The following EXOC1 variants were observed in gnomAD, a reference collection of about 807,000 sequenced individuals.
The protein encoded by EXOC1 is exocyst complex component 1.
Under a neutral mutation model 107.7 loss-of-function variants are expected in EXOC1, and 67 were observed. That is an observed-to-expected ratio of 0.62 (90% CI 0.51 to 0.76). The LOEUF is 0.76. Ranked by LOEUF, EXOC1 falls within the 30% of genes least tolerant of loss-of-function variation. The probability of loss-of-function intolerance (pLI) is 0.00; values close to 1 mark genes in which losing one functional copy is unlikely to be tolerated. For synonymous variants in EXOC1, 348 were observed against 353.5 expected (o/e 0.98, Z 0.17); for missense variants, 833 against 1,055.7 (o/e 0.79, Z 2.92).
intron 1 of EXOC1, among the ~76,000 whole-genome samples, chr4:55,855,024 G>A (rs756666382): frequency 6.6e-6 from 1 of 152,232 alleles, no homozygotes; most frequent in Admixed American, 6.5e-5. Flanking sequence ...ACCATGAAGT[G>A]TAATTAGGGT....
intron 18 of EXOC1, 60 bp from the exon 19 acceptor site, chr4:55,904,283 G>C: frequency 1.4e-6 from 2 of 1,450,298 alleles, no homozygotes; most frequent in South Asian, 3.0e-5. Context: ...CATTATTTCT[G>C]CATACTAGAT....
chr4:55,870,970 A>G (rs1722375547), intron 6 of EXOC1, 65 bp downstream of exon 6: 1 of 1,550,692 alleles, frequency 6.4e-7, no homozygotes, highest in Non-Finnish European at 8.7e-7. Flanking sequence ...CCATTTGTAA[A>G]CATTTTTTAA....
At chr4:55,862,782 C>T (rs1268000950) in intron 3 of EXOC1, among the ~76,000 whole-genome samples, 2 of 152,138 alleles carry the variant, frequency 1.3e-5, no homozygotes, top group Admixed American at 6.5e-5. Context: ...CCCCAAATAA[C>T]ACTTTAAATG....
At position 55,890,241 on chromosome 4, in the gene EXOC1, G is replaced by C; in HGVS notation, c.1394G>C (p.Gly465Ala). Residue 465 changes from glycine to alanine, a missense_variant, in exon 12 of 19, where the codon GGG becomes GCG. Around this residue, in one of 2 missense-constraint regions of EXOC1, gnomAD observed 617 missense variants for 701.3 expected, o/e 0.88. Transcript: ENST00000381295. ...TTCTTAGGTCTTCATGGAAGTTCGG[G>C]GAAATTAACTGGATCTACTTCTAGT... ...QETESLHGSS[G>A]KLTGSTSSLN... 6.2e-7 allele frequency: 1 copy of C among 1,613,726 alleles called. No individual in the cohort carries two copies. Among genetic ancestry groups the C allele is most frequent in the Non-Finnish European group, 8.5e-7 (1 of 1,179,836 alleles).
At chr4:55,869,175 G>A (rs925552459) in intron 5 of EXOC1, among the ~76,000 whole-genome samples, 2 of 151,940 alleles carry the variant, frequency 1.3e-5, no homozygotes, top group Non-Finnish European at 2.9e-5. Context: ...AGACGAGCCT[G>A]GCCAACATGG....
chr4:55,884,276 AT>A (rs1723671575), intron 10 of EXOC1, among the ~76,000 whole-genome samples: 1 of 152,186 alleles, frequency 6.6e-6, no homozygotes, highest in Admixed American at 6.6e-5. Context: ...AGTTTAACTG[AT>A]TCCCTAAAAG....
At chr4:55,878,279 C>T (rs893717551) in intron 9 of EXOC1, among the ~76,000 whole-genome samples, 2 of 152,064 alleles carry the variant, frequency 1.3e-5, no homozygotes, top group Non-Finnish European at 2.9e-5. Context: ...AAATATTAAG[C>T]CATACTGTAG....
rs564204412 is a variant in EXOC1, at chr4:55,871,723, A to G, written c.965-126A>G. The G allele has an allele frequency of 8.5e-6, 6 of 709,020 alleles. No individual in the cohort carries two copies. The Admixed American group carries it at 9.5e-5, about 11-fold the overall frequency. 43.9% of individuals were successfully genotyped at this position (709,020 alleles called of 1,614,324 possible). On this transcript the variant is annotated intron_variant, in intron 7 of 18. Transcript: ENST00000381295. ...ATTTTTCTCCTGCTTAACTTTTATC[A>G]TGTAAATGAATACACCCATAAAACT...
chr4:55,857,001 G>A (rs1242469939), intron 1 of EXOC1, among the ~76,000 whole-genome samples: 3 of 151,646 alleles, frequency 2.0e-5, no homozygotes, highest in Non-Finnish European at 4.4e-5. Flanking sequence ...TCCAGCTCCC[G>A]AAAACCACTT....
At chr4:55,876,816 T>G (rs893733365) in intron 8 of EXOC1, 1 of 984,534 alleles carries the variant, frequency 1.0e-6, no homozygotes, top group African/African-American at 1.7e-5. Context: ...GGTCCTTTTT[T>G]CTTTTTAATT....
At chr4:55,903,974 G>A (rs1167945009) in intron 18 of EXOC1, among the ~76,000 whole-genome samples, 5 of 151,984 alleles carry the variant, frequency 3.3e-5, no homozygotes, top group African/African-American at 4.8e-5. Context: ...ACATAATTGT[G>A]CATATCCACA....
chr4:55,876,505 A>G (rs1722907281), intron 8 of EXOC1: 3 of 813,992 alleles, frequency 3.7e-6, no homozygotes, highest in Non-Finnish European at 4.5e-6. Flanking sequence ...ACATTTTACC[A>G]TCAAAATTGT....
chr4:55,900,892 A>C (rs556656323), intron 17 of EXOC1, among the ~76,000 whole-genome samples: 29 of 152,302 alleles, frequency 1.9e-4, no homozygotes, highest in South Asian at 4.1e-4. Flanking sequence ...CAAAACAAAA[A>C]AAAAGAATAT....
intron 13 of EXOC1, 61 bp downstream of exon 13, chr4:55,891,483 A>C: frequency 1.8e-6 from 2 of 1,091,652 alleles, no homozygotes; most frequent in South Asian, 2.7e-5. Context: ...AGCTTAATTA[A>C]TATGTGGTCA....
chr4:55,896,687 T>C (rs774619416), intron 15 of EXOC1, 30 bp from the exon 16 acceptor site: 43 of 1,544,990 alleles, frequency 2.8e-5, no homozygotes, highest in Non-Finnish European at 3.5e-5. Flanking sequence ...GCTTGGTTAT[T>C]TATCTCCCTT....
At chr4:55,876,424 A>G (rs901070601) in intron 8 of EXOC1, 31 of 702,280 alleles carry the variant, frequency 4.4e-5, no homozygotes, top group Non-Finnish European at 4.7e-5. Context: ...CACTCCAAGC[A>G]CATGTTTTTG....
Position 55,893,647 on chromosome 4 carries a change from T to G in EXOC1, c.1820T>G (p.Phe607Cys). The G allele has an allele frequency of 6.2e-7, 1 of 1,614,112 alleles. No homozygotes were observed. The highest frequency in any genetic ancestry group is 8.5e-7 in the Non-Finnish European group (1 of 1,179,994). ...GCATTAGGAGACAAAATTGATAGCT[T>G]TAACTCTCTTTATATGTTAGTCAAA... Reference protein sequence around the residue: ...LIALGDKIDSFNSLYMLVKMS... With the variant: ...LIALGDKIDSCNSLYMLVKMS... Residue 607 changes from phenylalanine (F) to cysteine (C), a missense_variant, in exon 15 of 19, where the codon TTT becomes TGT. This residue lies in a region of EXOC1 where 216 missense variants were observed against 354.4 expected (regional missense o/e 0.61). Transcript: ENST00000381295.
At chr4:55,886,241 C>T (rs572096256) in intron 10 of EXOC1, among the ~76,000 whole-genome samples, 12 of 152,138 alleles carry the variant, frequency 7.9e-5, no homozygotes, top group East Asian at 1.9e-4. Context: ...ATATTTTCAA[C>T]GTGTAATGGG....
chr4:55,880,653 G>T (rs1379487846), intron 9 of EXOC1, among the ~76,000 whole-genome samples: 1 of 152,128 alleles, frequency 6.6e-6, no homozygotes, highest in Admixed American at 6.5e-5. Flanking sequence ...GCCTAATTGT[G>T]TTCCCAGTGA....
Sources: allele counts gnomAD v4.1 joint callset (sites outside exome capture counted in the v4.1 genomes callset), GRCh38; gene constraint gnomAD v4.1.1; regional missense constraint gnomAD v4.1.1; transcripts MANE v1.5; gene names NCBI Gene and HGNC (gene_info 2026-07-23, HGNC 2026-07-21).